The following NBEA variants were observed in gnomAD, a reference collection of about 807,000 sequenced individuals.
The protein encoded by NBEA is neurobeachin.
In NBEA, 44 loss-of-function variants were observed where a neutral mutation model predicts 343.4. That is an observed-to-expected ratio of 0.13 (90% CI 0.10 to 0.16). The LOEUF (loss-of-function observed/expected upper bound fraction) is 0.16, where lower values mean the gene tolerates loss of function less well. NBEA is among the 10% of genes least tolerant of loss of function. NBEA has a pLI of 1.00. For synonymous variants in NBEA, 1,175 were observed against 1,238.7 expected (o/e 0.95, Z 1.08); for missense variants, 2,555 against 3,631.3 (o/e 0.70, Z 7.62).
intron 31 of NBEA, 141 bp from the exon 32 acceptor site, chr13:35,208,559 G>A (rs2073554053): frequency 3.3e-6 from 2 of 597,556 alleles, no homozygotes; most frequent in East Asian, 3.0e-5. Context: ...TGACAAAGCT[G>A]GACTAAGGAG....
intron 1 of NBEA, among the ~76,000 whole-genome samples, chr13:35,012,314 C>T (rs568271619): frequency 6.6e-5 from 10 of 152,178 alleles, no homozygotes; most frequent in African/African-American, 2.2e-4. Context: ...TATAGGGAAC[C>T]CATTCTTCTG....
At chr13:34,944,371 T>G (rs2059125915) in intron 1 of NBEA, among the ~76,000 whole-genome samples, 1 of 152,276 alleles carries the variant, frequency 6.6e-6, no homozygotes, top group African/African-American at 2.4e-5. Flanking sequence ...AGATAATGTC[T>G]ACGGTTTATG....
At chr13:35,568,060 A>G (rs575283122) in intron 45 of NBEA, among the ~76,000 whole-genome samples, 2 of 152,328 alleles carry the variant, frequency 1.3e-5, no homozygotes, top group Admixed American at 1.3e-4. Context: ...AAATAGTTGT[A>G]CAGATCTAAT....
At chr13:35,269,234 A>C (rs1257473524) in intron 34 of NBEA, among the ~76,000 whole-genome samples, 1 of 152,106 alleles carries the variant, frequency 6.6e-6, no homozygotes, top group Non-Finnish European at 1.5e-5. Flanking sequence ...TTGTTTTCTC[A>C]TTTTTAGTCG....
chr13:35,230,564 TC>T (rs1385629981), intron 33 of NBEA, among the ~76,000 whole-genome samples: 1 of 152,104 alleles, frequency 6.6e-6, no homozygotes, highest in Admixed American at 6.6e-5. Context: ...CTCTTACCAT[TC>T]TTACCATTTC....
chr13:35,296,223 A>G (rs540764171), intron 35 of NBEA, among the ~76,000 whole-genome samples: 34 of 152,154 alleles, frequency 2.2e-4, no homozygotes, highest in African/African-American at 7.9e-4. Flanking sequence ...TCTACTAAAA[A>G]TACAAAAATT....
intron 48 of NBEA, among the ~76,000 whole-genome samples, chr13:35,607,419 A>T (rs2082324995): frequency 6.6e-6 from 1 of 152,180 alleles, no homozygotes; most frequent in Non-Finnish European, 1.5e-5. Context: ...ATGGGTTTTA[A>T]TACATTTCAC....
intron 35 of NBEA, among the ~76,000 whole-genome samples, chr13:35,304,331 CTG>C (rs375468846): frequency 0.016 from 2,331 of 148,598 alleles, 66 homozygotes; most frequent in African/African-American, 0.049. Flanking sequence ...AAGCAATTCT[CTG>C]TGTGTGTGTG....
intron 18 of NBEA, among the ~76,000 whole-genome samples, chr13:35,143,188 G>C (rs2068191124): frequency 6.6e-6 from 1 of 152,174 alleles, no homozygotes; most frequent in Admixed American, 6.5e-5. Flanking sequence ...TCAAATTTCA[G>C]CGAACACAGT....
chr13:35,272,569 TAA>T (rs774575017), intron 34 of NBEA, among the ~76,000 whole-genome samples: 2 of 152,080 alleles, frequency 1.3e-5, no homozygotes, highest in African/African-American at 4.8e-5. Context: ...GCAAATTGGA[TAA>T]AGAGTCAAGA....
chr13:35,451,932 A>G (rs1436247547), intron 39 of NBEA, among the ~76,000 whole-genome samples, 160 bp from the exon 40 acceptor site: 2 of 152,228 alleles, frequency 1.3e-5, no homozygotes, highest in Non-Finnish European at 2.9e-5. Context: ...TGTTTCTCAC[A>G]GAAAACCAAA....
intron 11 of NBEA, among the ~76,000 whole-genome samples, chr13:35,104,914 CTG>C (rs971048837): frequency 8.6e-5 from 13 of 151,986 alleles, no homozygotes; most frequent in African/African-American, 3.1e-4. Context: ...AATATACTAA[CTG>C]ATGTAACTGA....
chr13:35,024,868 A>G (rs2061965414), intron 1 of NBEA, among the ~76,000 whole-genome samples: 1 of 152,074 alleles, frequency 6.6e-6, no homozygotes, highest in Non-Finnish European at 1.5e-5. Context: ...TTTAGTAGCC[A>G]TTCTGACTGG....
chr13:35,353,523 G>A (rs372738914), intron 38 of NBEA, among the ~76,000 whole-genome samples: 65 of 151,962 alleles, frequency 4.3e-4, no homozygotes, highest in African/African-American at 1.5e-3. Context: ...GTGTAAGATA[G>A]GTTTTTTAAA....
At position 35,006,835 on chromosome 13, in the gene NBEA, C is replaced by G. The variant is rs147461973; in HGVS notation, c.295-34098C>G. Among the ~76,000 whole-genome samples the G allele has an allele frequency of 4.5e-4, 69 of 152,328 alleles. 1 individual carries two copies. The East Asian group carries it at 0.013, about 28-fold the overall frequency. On this transcript the variant is annotated intron_variant, in intron 1 of 58. Coordinates refer to ENST00000379939, the MANE Select transcript of NBEA (RefSeq NM_001385012.1). Reference sequence around the variant, plus strand: ...TGGCACGATCTTGGCTTACTGCAACCTCCACCTCCTGGATTCAAGGGATTC... The same window carrying G: ...TGGCACGATCTTGGCTTACTGCAACGTCCACCTCCTGGATTCAAGGGATTC...
chr13:35,112,108 A>G (rs1369661577), intron 13 of NBEA, among the ~76,000 whole-genome samples: 1 of 151,726 alleles, frequency 6.6e-6, no homozygotes, highest in Non-Finnish European at 1.5e-5. Flanking sequence ...TAGTGGAGAC[A>G]GGGTTTCACC....
Position 35,242,761 on chromosome 13 carries a change from A to C in NBEA, c.5776+10142A>C, listed in dbSNP as rs373585651. The stretch of plus-strand genomic sequence containing the variant: ...TAAAGTGCATGAAGTAAAAAGCAAA[A>C]CAAAACAAAAAGAAACTATCAACCA... On this transcript the variant is annotated intron_variant, in intron 34 of 58. Transcript: ENST00000379939. Among the ~76,000 whole-genome samples, 9 of 151,986 alleles carry C rather than the reference A, an allele frequency of 5.9e-5. No homozygotes were observed. In the East Asian group the frequency reaches 1.4e-3, roughly 23 times the overall value.
chr13:35,102,861 G>T (rs74051258), intron 11 of NBEA, among the ~76,000 whole-genome samples: 5,507 of 151,530 alleles, frequency 0.036, 152 homozygotes, highest in South Asian at 0.075. Flanking sequence ...TAATTTTAGG[G>T]TTTTTTTCCT....
chr13:35,227,342 A>G (rs2074711116), intron 33 of NBEA, among the ~76,000 whole-genome samples: 1 of 152,052 alleles, frequency 6.6e-6, no homozygotes, highest in Non-Finnish European at 1.5e-5. Flanking sequence ...GTCAATTCCT[A>G]GTCATAATAT....
Sources: gnomAD v4.1 joint callset for allele counts (sites outside exome capture counted in the v4.1 genomes callset) on GRCh38, gnomAD v4.1.1 for gene constraint, MANE v1.5 for transcripts, NCBI Gene and HGNC (gene_info 2026-07-23, HGNC 2026-07-21) for gene names.